Variants in ESCO2 observed in about 807,000 individuals in gnomAD.
The protein encoded by ESCO2 is N-acetyltransferase ESCO2.
Under a neutral mutation model 61.7 loss-of-function variants are expected in ESCO2, and 51 were observed. That is an observed-to-expected ratio of 0.83 (90% CI 0.66 to 1.04). The LOEUF is 1.04. Ranked by LOEUF, ESCO2 falls within the 50% of genes least tolerant of loss-of-function variation. The pLI, the probability that ESCO2 is intolerant of heterozygous loss-of-function variation, is 0.00. For missense variants in ESCO2, 692 were observed against 686.2 expected, an observed-to-expected ratio of 1.01 and a Z score of -0.09; for synonymous variants, 230 against 238.2, an observed-to-expected ratio of 0.97 and a Z score of 0.32.
At chr8:27,793,363 A>G (rs1365580637) in intron 9 of ESCO2, among the ~76,000 whole-genome samples, 1 of 152,144 alleles carries the variant, frequency 6.6e-6, no homozygotes, top group African/African-American at 2.4e-5. Flanking sequence ...ATATTTTGAT[A>G]TAGGTATACA....
chr8:27,772,888 T>C (rs913280858), upstream of ESCO2, among the ~76,000 whole-genome samples: 4 of 152,166 alleles, frequency 2.6e-5, no homozygotes, highest in East Asian at 7.7e-4. Context: ...AATAAGTTAA[T>C]GGGCGCCAAG....
chr8:27,800,611 A>T (rs746823911), intron 10 of ESCO2, among the ~76,000 whole-genome samples: 3 of 152,224 alleles, frequency 2.0e-5, no homozygotes, highest in African/African-American at 7.2e-5. Context: ...TCCTAGGTAT[A>T]TACTCAAGAA....
Position 27,792,715 on chromosome 8 carries a change from A to T in ESCO2, c.1401A>T (p.Gln467His), listed in dbSNP as rs1805204317. ...ELVDNELGFQQVVPKCPNKIK... is the reference protein window; with the variant it reads ...ELVDNELGFQHVVPKCPNKIK... ...TTGATAATGAATTGGGCTTCCAGCA[A>T]GTTGTTCCTAAATGTCCAAACAAAA... is the stretch of plus-strand genomic sequence containing the variant. Residue 467 changes from glutamine to histidine, a missense_variant, in exon 9 of 11, where the codon CAA (glutamine) becomes CAT (histidine). Transcript: ENST00000305188. The T allele has an allele frequency of 6.2e-7, 1 of 1,612,656 alleles. No homozygotes were observed.
intron 5 of ESCO2, 103 bp downstream of exon 5, chr8:27,784,160 C>A: frequency 9.5e-7 from 1 of 1,047,644 alleles, no homozygotes; most frequent in East Asian, 2.5e-5. Context: ...GTTTTTTTTT[C>A]TTCCTCACTA....
At chr8:27,815,324 G>A (rs1805788903), downstream of ESCO2, among the ~76,000 whole-genome samples, 4 of 152,142 alleles carry the variant, frequency 2.6e-5, no homozygotes, top group Admixed American at 6.5e-5. Context: ...TGTTAAGTGA[G>A]AACAAAAATA....
chr8:27,788,151 G>A (rs924382022), intron 6 of ESCO2, 149 bp downstream of exon 6: 6 of 636,168 alleles, frequency 9.4e-6, no homozygotes, highest in African/African-American at 3.7e-5. Flanking sequence ...TGGTGACATT[G>A]AATATTCTTG....
downstream of ESCO2, among the ~76,000 whole-genome samples, chr8:27,809,386 G>A (rs933002509): frequency 6.6e-5 from 10 of 152,126 alleles, no homozygotes; most frequent in Admixed American, 2.0e-4. Flanking sequence ...TTCTGAGAAC[G>A]CCCTGTGTCG....
chr8:27,780,204 G>T lies in ESCO2; in HGVS notation c.892G>T (p.Glu298Ter). ...ATCAGATGACAGAGTTTCTTCAAAG[G>T]AACATAAAGTTGATAAAAATGAGGC... ...DSSDDRVSSK[E>*]HKVDKNEAFS... is the part of the protein sequence containing the mutation. The change falls in exon 4 of 11, where the codon GAA (glutamate) becomes TAA (stop). Residue 298 changes from glutamate (E) to a stop codon, truncating the protein, a stop_gained. Transcript: ENST00000305188. LOFTEE classifies it high-confidence loss of function. The T allele has an allele frequency of 6.2e-7, 1 of 1,611,408 alleles. No individual in the cohort carries two copies. The highest frequency in any genetic ancestry group is 8.5e-7 in the Non-Finnish European group (1 of 1,178,362).
chr8:27,783,449 G>A (rs1224434902), intron 4 of ESCO2, among the ~76,000 whole-genome samples: 1 of 151,886 alleles, frequency 6.6e-6, no homozygotes, highest in Non-Finnish European at 1.5e-5. Flanking sequence ...ATTTTTTGTA[G>A]AGCAAAATTT....
At chr8:27,795,154 A>C (rs1805266354) in intron 9 of ESCO2, among the ~76,000 whole-genome samples, 1 of 152,216 alleles carries the variant, frequency 6.6e-6, no homozygotes, top group Non-Finnish European at 1.5e-5. Flanking sequence ...AGCCATGAAC[A>C]CTGGATATCC....
At position 27,777,059 on chromosome 8, in the gene ESCO2, GAAAA is replaced by G; in HGVS notation, c.757_760del (p.Lys253LeufsTer13). On this transcript the variant is annotated frameshift_variant, in exon 3 of 11. Coordinates refer to ENST00000305188, the MANE Select transcript of ESCO2 (RefSeq NM_001017420.3). LOFTEE classifies it high-confidence loss of function. ...AGATTCTGATGTAGAGACTGTCAGT[GAAAA>G]AAAAACTTTTGCGACAAGGCAAGTG... The G allele has an allele frequency of 6.3e-7, 1 of 1,598,896 alleles. No homozygotes were observed. Among genetic ancestry groups the G allele is most frequent in the Non-Finnish European group, 8.5e-7 (1 of 1,173,964 alleles).
At chr8:27,815,476 C>T (rs1805791894), downstream of ESCO2, among the ~76,000 whole-genome samples, 1 of 152,098 alleles carries the variant, frequency 6.6e-6, no homozygotes, top group African/African-American at 2.4e-5. Context: ...TAAAGGTTTT[C>T]CCCTATACTG....
chr8:27,792,581 T>A, intron 8 of ESCO2, 87 bp from the exon 9 acceptor site: 1 of 1,337,934 alleles, frequency 7.5e-7, no homozygotes, highest in Non-Finnish European at 1.0e-6. Flanking sequence ...AAAGTAACAG[T>A]AATCATACAT....
chr8:27,775,450 A>G, intron 1 of ESCO2, 49 bp from the exon 2 acceptor site: 1 of 1,519,920 alleles, frequency 6.6e-7, no homozygotes, highest in Non-Finnish European at 9.1e-7. Flanking sequence ...AATTTTGATA[A>G]AGCGATTTTT....
intron 5 of ESCO2, 152 bp from the exon 6 acceptor site, chr8:27,787,733 G>A: frequency 1.6e-6 from 1 of 626,848 alleles, no homozygotes; most frequent in South Asian, 1.8e-5. Flanking sequence ...TAGGCCTCAG[G>A]TTTCTCTTTG....
intron 5 of ESCO2, among the ~76,000 whole-genome samples, chr8:27,784,912 T>A (rs932576273): frequency 3.3e-5 from 5 of 152,212 alleles, no homozygotes; most frequent in Non-Finnish European, 5.9e-5. Flanking sequence ...CTTTCCCTCT[T>A]CAAAGGTTTG....
chr8:27,772,613 T>TCG, upstream of ESCO2: 1 of 1,475,960 alleles, frequency 6.8e-7, no homozygotes, highest in Non-Finnish European at 9.2e-7. Context: ...GATACCAGAC[T>TCG]CGCGGCGGCC....
chr8:27,773,201 A>G (rs1392054051), upstream of ESCO2, among the ~76,000 whole-genome samples: 9 of 152,104 alleles, frequency 5.9e-5, no homozygotes, highest in Non-Finnish European at 1.3e-4. Context: ...CACCCCCTTG[A>G]GCTATGTATT....
In ESCO2 at chr8:27,799,619, G is replaced by C. The variant is rs1167353496; in HGVS notation, c.1576G>C (p.Asp526His). 2.5e-6 allele frequency: 4 copies of C among 1,613,968 alleles called. No homozygotes were observed. The highest frequency in any genetic ancestry group is 3.4e-6 in the Non-Finnish European group (4 of 1,179,998). ...ATGTCCTAGGGCTTGGCAATGTTCA[G>C]ATGTACCAGAACCTGCAGTCTGTGG... is the stretch of plus-strand genomic sequence containing the variant. ...TECPRAWQCS[D>H]VPEPAVCGIS... is the part of the protein sequence containing the mutation. Residue 526 changes from aspartate to histidine, a missense_variant, in exon 10 of 11, where the codon GAT becomes CAT. Coordinates refer to ENST00000305188, the MANE Select transcript of ESCO2 (RefSeq NM_001017420.3).
Sources: gnomAD v4.1 joint callset for allele counts (sites outside exome capture counted in the v4.1 genomes callset) on GRCh38, gnomAD v4.1.1 for gene constraint, MANE v1.5 for transcripts, NCBI Gene and HGNC (gene_info 2026-07-23, HGNC 2026-07-21) for gene names.